The following PTPRE variants were observed in gnomAD, a reference collection of about 807,000 sequenced individuals.
PTPRE encodes the protein receptor-type tyrosine-protein phosphatase epsilon.
Under a neutral mutation model 102.0 loss-of-function variants are expected in PTPRE, and 51 were observed. That is an observed-to-expected ratio of 0.50 (90% CI 0.40 to 0.63). The LOEUF is 0.63. PTPRE is among the 30% of genes least tolerant of loss of function. The pLI, the probability that PTPRE is intolerant of heterozygous loss-of-function variation, is 0.00. For missense variants in PTPRE, 752 were observed against 915.1 expected (o/e 0.82, Z 2.30); for synonymous variants, 345 against 348.2 (o/e 0.99, Z 0.10).
At chr10:128,064,535 C>T (rs1849892197) in intron 10 of PTPRE, among the ~76,000 whole-genome samples, 1 of 152,186 alleles carries the variant, frequency 6.6e-6, no homozygotes, top group Admixed American at 6.5e-5. Flanking sequence ...CCTCAGGGTC[C>T]CCCGTGACCC....
chr10:127,969,362 G>A (rs1850511814), intron 1 of PTPRE, among the ~76,000 whole-genome samples: 2 of 152,196 alleles, frequency 1.3e-5, no homozygotes, highest in Non-Finnish European at 2.9e-5. Context: ...CCTTTGCAGG[G>A]TCGTCATGAG....
intron 6 of PTPRE, among the ~76,000 whole-genome samples, chr10:128,050,467 AGATG>A (rs140763588): frequency 0.077 from 11,491 of 150,008 alleles, 527 homozygotes; most frequent in Non-Finnish European, 0.099. Context: ...GTGGGAGGGC[AGATG>A]GATGGATGGA....
intron 15 of PTPRE, chr10:128,071,167 G>A (rs983693218): frequency 1.4e-5 from 7 of 489,896 alleles, no homozygotes; most frequent in South Asian, 2.7e-5. Flanking sequence ...GAGGGCAGCC[G>A]AGGCTGATTT....
chr10:128,045,803 C>A (rs1848041736), intron 3 of PTPRE, among the ~76,000 whole-genome samples: 1 of 152,246 alleles, frequency 6.6e-6, no homozygotes, highest in South Asian at 2.1e-4. Context: ...CACCCAGCCA[C>A]TCATCCTAGC....
intron 1 of PTPRE, among the ~76,000 whole-genome samples, chr10:127,967,161 C>T (rs888906836): frequency 5.9e-5 from 9 of 152,018 alleles, no homozygotes; most frequent in African/African-American, 1.5e-4. Flanking sequence ...CTCAGTTGAC[C>T]GTATTTTTTA....
At chr10:127,925,366 C>A (rs929852319) in intron 1 of PTPRE, among the ~76,000 whole-genome samples, 1 of 152,248 alleles carries the variant, frequency 6.6e-6, no homozygotes, top group Non-Finnish European at 1.5e-5. Context: ...ATGGCTGGCT[C>A]TTTCCAAACA....
chr10:128,005,644 C>T (rs12354638), intron 2 of PTPRE, among the ~76,000 whole-genome samples: 5,452 of 152,264 alleles, frequency 0.036, 139 homozygotes, highest in East Asian at 0.083. Context: ...TGGGCGTCCC[C>T]GAGCAGGTGA....
intron 1 of PTPRE, among the ~76,000 whole-genome samples, chr10:127,915,950 A>G (rs1846174337): frequency 1.3e-5 from 2 of 151,448 alleles, no homozygotes; most frequent in South Asian, 4.2e-4. Context: ...TAAGCCCAGG[A>G]GCATCCGTAC....
At chr10:128,053,330 T>C (rs1446265743) in intron 6 of PTPRE, among the ~76,000 whole-genome samples, 1 of 152,112 alleles carries the variant, frequency 6.6e-6, no homozygotes, top group Non-Finnish European at 1.5e-5. Context: ...ATTTGGACAA[T>C]TTACATAATG....
At chr10:127,938,212 C>T (rs1048863504) in intron 1 of PTPRE, among the ~76,000 whole-genome samples, 1 of 152,104 alleles carries the variant, frequency 6.6e-6, no homozygotes, top group Non-Finnish European at 1.5e-5. Context: ...ATGAGATAAT[C>T]GTTGTAAAGG....
At chr10:128,055,196 A>G (rs1188846650) in intron 6 of PTPRE, among the ~76,000 whole-genome samples, 1 of 152,126 alleles carries the variant, frequency 6.6e-6, no homozygotes, top group African/African-American at 2.4e-5. Context: ...GTGTAATGTC[A>G]AAGGACAGGA....
At position 128,076,997 on chromosome 10, in the gene PTPRE, A is replaced by T. The variant is rs112846239; in HGVS notation, c.1725+269A>T. Among the ~76,000 whole-genome samples, 988 of 152,290 alleles carry T rather than the reference A, an allele frequency of 6.5e-3. 11 individuals are homozygous for T. The highest frequency in any genetic ancestry group is 0.023 in the African/African-American group (947 of 41,562). On this transcript the variant is annotated intron_variant, in intron 18 of 20. Transcript: ENST00000254667. ...AGAGGAAGAACAAAGGGGACTAATG[A>T]AGCCACAGGGGCCTCTCTGGGGCCC...
In PTPRE at chr10:127,907,464, G is replaced by C. The variant is rs1440878087; in HGVS notation, c.-31+155G>C. ...CGGACCCCGGCCCCGCCGCCCCCGC[G>C]GCGCGCCCAGTACCAGCGGCTGGGG... is the stretch of plus-strand genomic sequence containing the variant. On this transcript the variant is annotated intron_variant, in intron 1 of 20. Coordinates refer to ENST00000254667, the MANE Select transcript of PTPRE (RefSeq NM_006504.6). The surrounding 1 kb of genome is among the most constrained non-coding windows in gnomAD (Gnocchi z 4.8). Among the ~76,000 whole-genome samples the C allele has an allele frequency of 4.6e-5, 7 of 151,608 alleles. No homozygotes were observed. Among genetic ancestry groups the C allele is most frequent in the Non-Finnish European group, 5.9e-5 (4 of 67,836 alleles).
intron 10 of PTPRE, among the ~76,000 whole-genome samples, chr10:128,063,954 G>A (rs1849838732): frequency 6.6e-6 from 1 of 152,226 alleles, no homozygotes; most frequent in Non-Finnish European, 1.5e-5. Flanking sequence ...GCGAAGTTAG[G>A]AGGCTGTGCT....
chr10:128,023,346 AAGAT>A (rs148100759), intron 2 of PTPRE, among the ~76,000 whole-genome samples: 3 of 152,242 alleles, frequency 2.0e-5, no homozygotes, highest in African/African-American at 7.2e-5. Context: ...TATAGGAAAA[AAGAT>A]AGTATATATA....
chr10:127,981,497 T>A (rs1468076263), intron 1 of PTPRE, among the ~76,000 whole-genome samples: 1 of 150,054 alleles, frequency 6.7e-6, no homozygotes, highest in Non-Finnish European at 1.5e-5. Context: ...ACTGTTTTTT[T>A]TTAAAAAATA....
chr10:127,976,544 A>G (rs1418346751), intron 1 of PTPRE, among the ~76,000 whole-genome samples: 1 of 152,176 alleles, frequency 6.6e-6, no homozygotes, highest in East Asian at 1.9e-4. Context: ...AAAGTTGCCA[A>G]ATATTTAGAA....
rs568108848 is a variant in PTPRE at position 128,039,230 on chromosome 10, C to A, written c.-7-1645C>A. ...GGCAGAGCTGCCTGTCGTAGAAGGG[C>A]CAGGGCAGCATGCAGCGGGGGTGAG... is the stretch of plus-strand genomic sequence containing the variant. On this transcript the variant is annotated intron_variant, in intron 2 of 20. Coordinates refer to ENST00000254667, the MANE Select transcript of PTPRE (RefSeq NM_006504.6). Among the ~76,000 whole-genome samples the A allele has an allele frequency of 6.6e-5, 10 of 152,168 alleles. No homozygotes were observed. In the East Asian group the frequency reaches 1.5e-3, roughly 24 times the overall value.
chr10:127,949,215 G>T (rs1327627196), intron 1 of PTPRE, among the ~76,000 whole-genome samples: 1 of 152,056 alleles, frequency 6.6e-6, no homozygotes, highest in Non-Finnish European at 1.5e-5. Flanking sequence ...CCTGTTGTGG[G>T]ACTTCTCAGC....
Sources: gnomAD v4.1 joint callset for allele counts (sites outside exome capture counted in the v4.1 genomes callset) on GRCh38, gnomAD v4.1.1 for gene constraint, Gnocchi (gnomAD v3.1) non-coding constraint, MANE v1.5 for transcripts, NCBI Gene and HGNC (gene_info 2026-07-23, HGNC 2026-07-21) for gene names.